RIN3: variants seen among roughly 807,000 people sequenced by gnomAD.
The protein encoded by RIN3 is Ras and Rab interactor 3.
A neutral mutation model predicts 76.3 loss-of-function variants in RIN3; 54 were observed. The observed-to-expected ratio is 0.71, with a 90% CI of 0.57 to 0.89. The LOEUF (loss-of-function observed/expected upper bound fraction) is 0.89, where lower values mean the gene tolerates loss of function less well. RIN3 is among the 40% of genes least tolerant of loss of function. RIN3 has a pLI of 0.00. For synonymous variants in RIN3, 576 were observed against 564.0 expected (o/e 1.02, Z -0.30); for missense variants, 1,256 against 1,322.1 (o/e 0.95, Z 0.78).
chr14:92,515,567 A>G (rs925426639), intron 1 of RIN3: 3 of 391,198 alleles, frequency 7.7e-6, no homozygotes, highest in Non-Finnish European at 1.4e-5. Context: ...ACATTAGACT[A>G]TATGGTAAAC....
At chr14:92,628,148 G>A (rs1225563657) in intron 4 of RIN3, among the ~76,000 whole-genome samples, 1 of 152,180 alleles carries the variant, frequency 6.6e-6, no homozygotes, top group South Asian at 2.1e-4. Context: ...GATAGGGAGG[G>A]CTAATAGATG....
chr14:92,616,230 AC>A (rs1157079222), intron 4 of RIN3, among the ~76,000 whole-genome samples: 4 of 152,210 alleles, frequency 2.6e-5, no homozygotes, highest in Non-Finnish European at 5.9e-5. Context: ...GACAAAATGC[AC>A]AAAGCAAGGA....
chr14:92,680,517 G>A (rs888259858), intron 8 of RIN3, among the ~76,000 whole-genome samples: 2 of 152,028 alleles, frequency 1.3e-5, no homozygotes, highest in Admixed American at 6.5e-5. Flanking sequence ...CTTCTGTAAG[G>A]GCACTAATCC....
In RIN3 at chr14:92,544,026, C is replaced by A. The variant is rs902142243; in HGVS notation, c.45-11725C>A. ...TGTTCGTGAAGCCTCCCCACCCCCC[C>A]ATCTCATTTAGTAGTTACCATTTGC... On this transcript the variant is annotated intron_variant, in intron 1 of 9. Transcript: ENST00000216487. 2.0e-5 allele frequency among the ~76,000 whole-genome samples: 3 copies of A among 152,096 alleles called. No homozygotes were observed. In the East Asian group the frequency reaches 5.8e-4, roughly 29 times the overall value.
chr14:92,641,250 C>G lies in RIN3; in HGVS notation c.453C>G (p.Pro151=). 1 of 1,613,936 alleles carries G rather than the reference C, an allele frequency of 6.2e-7. No homozygotes were observed. The highest frequency in any genetic ancestry group is 8.5e-7 in the Non-Finnish European group (1 of 1,179,772). The change falls in exon 5 of 10, where the codon CCC becomes CCG. Residue 151 remains proline, a synonymous_variant. Coordinates refer to ENST00000216487, the MANE Select transcript of RIN3 (RefSeq NM_024832.5). ...AFYCVSRDLL[P]FTLRLPQAIL... ...CGTGTCTTCACAGAGACTTACTGCC[C>G]TTCACACTGCGGCTACCCCAGGCCA...
At chr14:92,597,506 T>C (rs2140084323) in intron 3 of RIN3, among the ~76,000 whole-genome samples, 1 of 152,296 alleles carries the variant, frequency 6.6e-6, no homozygotes, top group East Asian at 1.9e-4. Context: ...CAGACCTAGA[T>C]TTGAAACCTG....
intron 2 of RIN3, among the ~76,000 whole-genome samples, chr14:92,559,070 T>C (rs911351205): frequency 2.0e-5 from 3 of 152,098 alleles, no homozygotes; most frequent in Admixed American, 1.3e-4. Flanking sequence ...TTTCACCATG[T>C]TGGCCAGGCT....
chr14:92,549,223 G>A (rs757371024), intron 1 of RIN3, among the ~76,000 whole-genome samples: 51 of 152,170 alleles, frequency 3.4e-4, no homozygotes, highest in Non-Finnish European at 5.7e-4. Context: ...AGGTTGGTAG[G>A]TGGGGTAGTG....
chr14:92,574,989 C>T (rs1192570796), intron 2 of RIN3, among the ~76,000 whole-genome samples: 2 of 152,174 alleles, frequency 1.3e-5, no homozygotes, highest in East Asian at 1.9e-4. Flanking sequence ...GCCTCAGTGT[C>T]CTCATCTATA....
In RIN3 at chr14:92,545,106, G is replaced by GTTTT. The variant is rs540126016; in HGVS notation, c.45-10627_45-10624dup. Among the ~76,000 whole-genome samples the GTTTT allele has an allele frequency of 2.7e-3, 224 of 82,180 alleles. 4 individuals carry two copies. Among genetic ancestry groups the GTTTT allele is most frequent in the African/African-American group, 4.3e-3 (87 of 20,102 alleles). 53.9% of individuals were successfully genotyped at this position (82,180 alleles called of 152,430 possible). On this transcript the variant is annotated intron_variant, in intron 1 of 9. Coordinates refer to ENST00000216487, the MANE Select transcript of RIN3 (RefSeq NM_024832.5). ...AAACGTTTTCTTTTAACTTTCTGGT[G>GTTTT]TTTTTTTTTTTTTTTTTTTTTGAGA...
chr14:92,672,181 G>A (rs550284293), intron 7 of RIN3, among the ~76,000 whole-genome samples: 21 of 152,136 alleles, frequency 1.4e-4, no homozygotes, highest in East Asian at 3.9e-4. Flanking sequence ...TGAGGCGAGC[G>A]GATCACTTGA....
chr14:92,585,759 C>T (rs1266492155), intron 3 of RIN3, among the ~76,000 whole-genome samples: 4 of 152,162 alleles, frequency 2.6e-5, no homozygotes, highest in Non-Finnish European at 5.9e-5. Flanking sequence ...GCTGGGACTA[C>T]AGGTACACGC....
intron 8 of RIN3, among the ~76,000 whole-genome samples, chr14:92,676,966 A>C (rs570221308): frequency 4.6e-5 from 7 of 152,266 alleles, no homozygotes; most frequent in African/African-American, 1.7e-4. Flanking sequence ...ATTAAAAAAA[A>C]AAGGGAAAAG....
At chr14:92,646,103 G>A (rs1032652219) in intron 5 of RIN3, among the ~76,000 whole-genome samples, 3 of 152,166 alleles carry the variant, frequency 2.0e-5, no homozygotes, top group Admixed American at 6.5e-5. Flanking sequence ...GAGAAAGAGA[G>A]ATCGACTAAA....
intron 4 of RIN3, among the ~76,000 whole-genome samples, chr14:92,627,805 G>A (rs1468473753): frequency 1.3e-5 from 2 of 152,310 alleles, no homozygotes; most frequent in Non-Finnish European, 2.9e-5. Context: ...CCTGGGCAAG[G>A]CCCCAGATTG....
intron 1 of RIN3, among the ~76,000 whole-genome samples, chr14:92,535,447 A>G (rs995589610): frequency 2.1e-5 from 3 of 145,576 alleles, no homozygotes; most frequent in Non-Finnish European, 4.5e-5. Context: ...TCATTCTCCT[A>G]ATGATGTCTT....
intron 3 of RIN3, among the ~76,000 whole-genome samples, chr14:92,609,264 T>G (rs1453928995): frequency 1.3e-5 from 2 of 152,186 alleles, no homozygotes; most frequent in Non-Finnish European, 2.9e-5. Context: ...GGCTGGCATG[T>G]GTGTACCCAG....
intron 1 of RIN3, among the ~76,000 whole-genome samples, chr14:92,545,256 CCTG>C (rs1897234082): frequency 6.6e-6 from 1 of 151,770 alleles, no homozygotes; most frequent in Non-Finnish European, 1.5e-5. Flanking sequence ...ACTACAGGCA[CCTG>C]CCACCACGCC....
intron 1 of RIN3, among the ~76,000 whole-genome samples, chr14:92,534,896 T>C (rs969967216): frequency 6.6e-6 from 1 of 152,168 alleles, no homozygotes; most frequent in Non-Finnish European, 1.5e-5. Context: ...TAATACACAT[T>C]TATTGTAAAA....
Sources: gnomAD v4.1 joint callset for allele counts (sites outside exome capture counted in the v4.1 genomes callset) on GRCh38, gnomAD v4.1.1 for gene constraint, MANE v1.5 for transcripts, NCBI Gene and HGNC (gene_info 2026-07-23, HGNC 2026-07-21) for gene names.